The following TRAPPC3 variants were observed in gnomAD, a reference collection of about 807,000 sequenced individuals.
TRAPPC3 encodes the protein trafficking protein particle complex subunit 3.
A neutral mutation model predicts 18.2 loss-of-function variants in TRAPPC3; 5 were observed. The ratio of observed to expected loss-of-function variants is 0.28; its 90% CI spans 0.14 to 0.58. The LOEUF (loss-of-function observed/expected upper bound fraction) is 0.58, where lower values mean the gene tolerates loss of function less well. TRAPPC3 is among the 20% of genes least tolerant of loss of function. The pLI is 0.91. For missense variants in TRAPPC3, 176 were observed against 225.9 expected, an observed-to-expected ratio of 0.78 and a Z score of 1.41; for synonymous variants, 65 against 84.2, an observed-to-expected ratio of 0.77 and a Z score of 1.25.
upstream of TRAPPC3, among the ~76,000 whole-genome samples, chr1:36,154,316 C>T (rs957049577): frequency 1.6e-4 from 24 of 152,218 alleles, no homozygotes; most frequent in South Asian, 4.1e-4. Flanking sequence ...AGTCTTGAGC[C>T]GTAGCCAATG....
upstream of TRAPPC3, among the ~76,000 whole-genome samples, chr1:36,150,373 C>T (rs2124178565): frequency 6.6e-6 from 1 of 152,368 alleles, no homozygotes; most frequent in East Asian, 1.9e-4. Flanking sequence ...AACTCTCACC[C>T]ATCACCAAGG....
upstream of TRAPPC3, among the ~76,000 whole-genome samples, chr1:36,150,708 A>G (rs1644262628): frequency 6.6e-6 from 1 of 152,154 alleles, no homozygotes. Flanking sequence ...TCCTCCCTAG[A>G]GGCAGTGACC....
At chr1:36,151,458 C>T (rs533723253), upstream of TRAPPC3, among the ~76,000 whole-genome samples, 2 of 152,228 alleles carry the variant, frequency 1.3e-5, no homozygotes, top group Non-Finnish European at 2.9e-5. Context: ...AAAAAAACAA[C>T]AACCAGCTGA....
chr1:36,149,063 GT>G (rs58710983), intron 1 of TRAPPC3: 1,054,055 of 1,373,212 alleles, frequency 0.77, 406,689 homozygotes, highest in East Asian at 0.91. Context: ...TAAGAGAGAA[GT>G]TAAGTGGCAG....
chr1:36,143,951 A>C (rs1175619769), intron 1 of TRAPPC3, among the ~76,000 whole-genome samples: 1 of 152,190 alleles, frequency 6.6e-6, no homozygotes, highest in Non-Finnish European at 1.5e-5. Context: ...GTACTCAAGA[A>C]ATACATACTT....
Position 36,149,220 on chromosome 1 carries a change from C to G in TRAPPC3, c.42+117G>C, listed in dbSNP as rs1438872762. On this transcript the variant is annotated intron_variant, in intron 1 of 4. Coordinates refer to ENST00000373166, the MANE Select transcript of TRAPPC3 (RefSeq NM_014408.5). The stretch of plus-strand genomic sequence containing the variant: ...CGGAGTGACCCAGCAAGAGGCTTCC[C>G]CTTGCCAGAGCTCACAGGAAGGCCC... 21 of 1,543,932 alleles carry G rather than the reference C, an allele frequency of 1.4e-5. No homozygotes were observed. In the South Asian group the frequency reaches 2.2e-4, roughly 16 times the overall value.
chr1:36,139,973 AAGAG>A (rs1408399345), intron 2 of TRAPPC3, 92 bp downstream of exon 2: 3 of 1,462,000 alleles, frequency 2.1e-6, no homozygotes, highest in Admixed American at 4.6e-5. Flanking sequence ...TTGGCTAAGA[AAGAG>A]AGAGAACCCT....
At chr1:36,149,250 C>T (rs1644246315) in intron 1 of TRAPPC3, 87 bp downstream of exon 1, 1 of 1,582,622 alleles carries the variant, frequency 6.3e-7, no homozygotes, top group Non-Finnish European at 8.6e-7. Flanking sequence ...AGGCCCTTTT[C>T]CAAACGCACC....
At chr1:36,147,218 G>C (rs951331828) in intron 1 of TRAPPC3, among the ~76,000 whole-genome samples, 1 of 152,124 alleles carries the variant, frequency 6.6e-6, no homozygotes, top group Admixed American at 6.6e-5. Context: ...AGCTACTCGG[G>C]AGGCTGAGGC....
intron 1 of TRAPPC3, among the ~76,000 whole-genome samples, chr1:36,145,183 G>A (rs577425484): frequency 7.9e-5 from 12 of 151,128 alleles, no homozygotes; most frequent in South Asian, 6.3e-4. Context: ...CACCACACCC[G>A]GCTAATTTTT....
At chr1:36,139,634 G>T in intron 3 of TRAPPC3, 86 bp downstream of exon 3, 12 of 1,546,368 alleles carry the variant, frequency 7.8e-6, no homozygotes, top group Non-Finnish European at 1.1e-5. Context: ...GAGATTAAAG[G>T]CCTCTCTAAG....
chr1:36,154,453 TCTC>T (rs1644298405), upstream of TRAPPC3, among the ~76,000 whole-genome samples: 1 of 152,048 alleles, frequency 6.6e-6, no homozygotes. Flanking sequence ...GTTCCTGAAT[TCTC>T]CTGAGTCTGG....
At chr1:36,148,148 ATT>A (rs1192856109) in intron 1 of TRAPPC3, among the ~76,000 whole-genome samples, 3 of 152,204 alleles carry the variant, frequency 2.0e-5, no homozygotes, top group African/African-American at 7.2e-5. Flanking sequence ...CTTACCTGAC[ATT>A]GTTTCCTAAC....
chr1:36,149,533 T>C (rs896176534), upstream of TRAPPC3: 91 of 942,744 alleles, frequency 9.7e-5, no homozygotes, highest in East Asian at 1.0e-3. Context: ...ACGGGACTAG[T>C]GGTCCGGCCG....
chr1:36,151,459 A>C (rs528250420), upstream of TRAPPC3, among the ~76,000 whole-genome samples: 35 of 152,140 alleles, frequency 2.3e-4, no homozygotes, highest in Non-Finnish European at 2.9e-4. Flanking sequence ...AAAAAACAAC[A>C]ACCAGCTGAG....
chr1:36,144,549 G>A (rs899468524), intron 1 of TRAPPC3, among the ~76,000 whole-genome samples: 4 of 152,136 alleles, frequency 2.6e-5, no homozygotes, highest in Non-Finnish European at 4.4e-5. Context: ...AGCTACTCAG[G>A]AGGCTAAGGT....
upstream of TRAPPC3, chr1:36,149,653 G>A: frequency 1.8e-6 from 1 of 551,200 alleles, no homozygotes; most frequent in Non-Finnish European, 3.3e-6. Context: ...CTCCGCGCGC[G>A]CCTGCCTGGT....
upstream of TRAPPC3, among the ~76,000 whole-genome samples, chr1:36,151,660 T>G (rs1213594684): frequency 1.3e-5 from 2 of 152,090 alleles, no homozygotes; most frequent in Non-Finnish European, 2.9e-5. Flanking sequence ...GTTCCAAGGA[T>G]TCTCAGTATG....
At chr1:36,138,083 C>T in intron 3 of TRAPPC3, 105 bp from the exon 4 acceptor site, 1 of 1,586,842 alleles carries the variant, frequency 6.3e-7, no homozygotes. Context: ...CAGGAACAAA[C>T]CTGTGGCCTC....
Sources: allele counts gnomAD v4.1 joint callset (sites outside exome capture counted in the v4.1 genomes callset), GRCh38; gene constraint gnomAD v4.1.1; transcripts MANE v1.5; gene names NCBI Gene and HGNC (gene_info 2026-07-23, HGNC 2026-07-21).